CLCN1: variants seen among roughly 807,000 people sequenced by gnomAD.
CLCN1 encodes the protein chloride channel protein 1.
In CLCN1, 100 loss-of-function variants were observed where a neutral mutation model predicts 114.5. That is an observed-to-expected ratio of 0.87 (90% CI 0.74 to 1.03). The LOEUF (loss-of-function observed/expected upper bound fraction) is 1.03, where lower values mean the gene tolerates loss of function less well. Ranked by LOEUF, CLCN1 falls within the 50% of genes least tolerant of loss-of-function variation. The probability of loss-of-function intolerance (pLI) is 0.00; values close to 1 mark genes in which losing one functional copy is unlikely to be tolerated. For synonymous variants in CLCN1, 485 were observed against 487.1 expected (o/e 1.00, Z 0.06); for missense variants, 1,188 against 1,250.0 (o/e 0.95, Z 0.75).
chr7:143,323,397 G>A lies in CLCN1; in HGVS notation c.774+11G>A, dbSNP rs1169087902. ...TGCGGGGTATATGAGGTAAGGTTGA[G>A]ACAGTGAAATGAGCTGGGGCCAGGT... On this transcript the variant is annotated intron_variant, in intron 6 of 22. Coordinates refer to ENST00000343257, the MANE Select transcript of CLCN1 (RefSeq NM_000083.3). 6.2e-7 allele frequency: 1 copy of A among 1,601,042 alleles called. No homozygotes were observed. Among genetic ancestry groups the A allele is most frequent in the East Asian group, 2.2e-5 (1 of 44,804 alleles).
At chr7:143,351,474 T>C in intron 22 of CLCN1, 120 bp from the exon 23 acceptor site, 1 of 1,116,256 alleles carries the variant, frequency 9.0e-7, no homozygotes, top group South Asian at 1.4e-5. Context: ...TTTGCCACTC[T>C]ATATCTTTCC....
At chr7:143,340,250 G>C (rs1000009879) in intron 14 of CLCN1, among the ~76,000 whole-genome samples, 2 of 152,134 alleles carry the variant, frequency 1.3e-5, no homozygotes, top group Non-Finnish European at 2.9e-5. Flanking sequence ...CAGCTTTCTA[G>C]CTCACTTGGT....
chr7:143,338,795 A>C (rs1802993090), intron 12 of CLCN1, among the ~76,000 whole-genome samples: 3 of 106,730 alleles, frequency 2.8e-5, no homozygotes, highest in Non-Finnish European at 6.7e-5. Flanking sequence ...CCCTGTCTCA[A>C]AAAAAAAAAA....
Position 143,350,576 on chromosome 7 carries a change from CCT to C in CLCN1, c.2518_2519del (p.Leu840ValfsTer31), listed in dbSNP as rs780534566. On this transcript the variant is annotated frameshift_variant, in exon 22 of 23. Transcript: ENST00000343257. LOFTEE classifies it high-confidence loss of function. The surrounding 1 kb of genome is among the most constrained non-coding windows in gnomAD (Gnocchi z 5.1). ...GTGCTCTTCATCCTCAGACTCATAC[CCT>C]GTTTTCACTCCTTGGCCTCCACCTC... Reference protein sequence around the residue: ...EQTTLHKTHTLFSLLGLHLAY... With the variant: ...EQTTLHKTHTXFSLLGLHLAY... 3.7e-6 allele frequency: 6 copies of C among 1,614,080 alleles called. No homozygotes were observed. Among genetic ancestry groups the C allele is most frequent in the Middle Eastern group, 1.6e-4 (1 of 6,062 alleles).
chr7:143,320,037 G>A (rs2116835041), intron 2 of CLCN1, among the ~76,000 whole-genome samples, 162 bp downstream of exon 2: 1 of 152,326 alleles, frequency 6.6e-6, no homozygotes, highest in African/African-American at 2.4e-5. Context: ...CATTCAGACT[G>A]AAGTGCAGTG....
chr7:143,317,147 A>C (rs545180767), intron 1 of CLCN1, among the ~76,000 whole-genome samples: 28 of 152,168 alleles, frequency 1.8e-4, no homozygotes, highest in Non-Finnish European at 3.1e-4. Flanking sequence ...GTCATGGAAA[A>C]AGATAGGTCA....
intron 12 of CLCN1, among the ~76,000 whole-genome samples, chr7:143,333,524 C>T (rs1029856490): frequency 6.6e-6 from 1 of 152,120 alleles, no homozygotes; most frequent in African/African-American, 2.4e-5. Flanking sequence ...ATTAATTAAC[C>T]AAATTCCCCC....
At chr7:143,346,524 C>G (rs1418217252) in intron 18 of CLCN1, 55 bp from the exon 19 acceptor site, 34 of 1,409,772 alleles carry the variant, frequency 2.4e-5, no homozygotes, top group Non-Finnish European at 3.1e-5. Context: ...GGTGGGGCCC[C>G]TGGCCGTTTC....
chr7:143,342,763 G>C (rs1217905068), intron 16 of CLCN1, among the ~76,000 whole-genome samples: 2 of 152,152 alleles, frequency 1.3e-5, no homozygotes, highest in African/African-American at 4.8e-5. Context: ...GAGGTCAGGA[G>C]TTCGAGACCA....
chr7:143,345,894 T>C, intron 17 of CLCN1, 132 bp downstream of exon 17: 1 of 1,264,630 alleles, frequency 7.9e-7, no homozygotes, highest in Non-Finnish European at 1.1e-6. Flanking sequence ...GAGGGGAGAG[T>C]CTGGTAACTG....
At chr7:143,351,377 T>C (rs979452030) in intron 22 of CLCN1, among the ~76,000 whole-genome samples, 1 of 152,168 alleles carries the variant, frequency 6.6e-6, no homozygotes, top group Non-Finnish European at 1.5e-5. Flanking sequence ...TCTGGGCAGG[T>C]GGATCTTTTG....
rs376471528 is a variant in CLCN1 at position 143,325,038 on chromosome 7, G to C, written c.853+546G>C. On this transcript the variant is annotated intron_variant, in intron 7 of 22. Transcript: ENST00000343257. ...AAATGTCCCTTGATAGCAATTTAAA[G>C]TTAAGTTTAGCTCTTTCTCCAAGTA... 6.6e-5 allele frequency among the ~76,000 whole-genome samples: 10 copies of C among 152,358 alleles called. No individual in the cohort carries two copies. In the East Asian group the frequency reaches 1.7e-3, roughly 26 times the overall value.
intron 7 of CLCN1, among the ~76,000 whole-genome samples, chr7:143,326,733 C>A (rs1802584539): frequency 6.6e-6 from 1 of 151,938 alleles, no homozygotes; most frequent in Non-Finnish European, 1.5e-5. Context: ...CTGAGTATTA[C>A]CAGGGGATAC....
At chr7:143,320,936 C>G (rs2116836788) in intron 3 of CLCN1, 141 bp downstream of exon 3, 1 of 1,037,342 alleles carries the variant, frequency 9.6e-7, no homozygotes, top group East Asian at 2.4e-5. Context: ...AGGTGGGACT[C>G]CAGGCCCAGA....
chr7:143,340,813 A>G (rs1466567613), intron 14 of CLCN1, among the ~76,000 whole-genome samples: 3 of 152,236 alleles, frequency 2.0e-5, no homozygotes, highest in African/African-American at 7.2e-5. Flanking sequence ...GATTACAGGC[A>G]TAAGCCACCA....
At chr7:143,318,117 G>A (rs531334914) in intron 1 of CLCN1, among the ~76,000 whole-genome samples, 8 of 152,252 alleles carry the variant, frequency 5.3e-5, no homozygotes, top group Middle Eastern at 3.4e-3. Flanking sequence ...GAAGCCCCAA[G>A]TACCCACCAG....
Position 143,324,798 on chromosome 7 carries a change from G to A in CLCN1, c.853+306G>A, listed in dbSNP as rs565957273. Among the ~76,000 whole-genome samples, 12 of 152,280 alleles carry A rather than the reference G, an allele frequency of 7.9e-5. No homozygotes were observed. The highest frequency in any genetic ancestry group is 5.2e-4 in the Admixed American group (8 of 15,286). ...AGGAATTAAAACCAAGGCAGTCTCC[G>A]TGGCTCCCCTACTTATTTTCAAACC... On this transcript the variant is annotated intron_variant, in intron 7 of 22. Coordinates refer to ENST00000343257, the MANE Select transcript of CLCN1 (RefSeq NM_000083.3). The surrounding 1 kb of genome is among the most constrained non-coding windows in gnomAD (Gnocchi z 4.6).
Position 143,342,018 on chromosome 7 carries a change from C to A in CLCN1, c.1672C>A (p.Pro558Thr). ...AACGGGTCAGATTGCTCACATCCTG[C>A]CCATGATGGTGGCTGTTATCTTGGC... is the stretch of plus-strand genomic sequence containing the variant. ...ELTGQIAHIL[P>T]MMVAVILANM... Residue 558 changes from proline to threonine, a missense_variant, in exon 15 of 23, where the codon CCC (proline) becomes ACC (threonine). Transcript: ENST00000343257. 1 of 1,614,140 alleles carries A rather than the reference C, an allele frequency of 6.2e-7. No homozygotes were observed. Among genetic ancestry groups the A allele is most frequent in the African/African-American group, 1.3e-5 (1 of 75,048 alleles).
chr7:143,320,236 A>G (rs531249527), intron 2 of CLCN1, among the ~76,000 whole-genome samples: 1 of 152,222 alleles, frequency 6.6e-6, no homozygotes, highest in African/African-American at 2.4e-5. Context: ...TAGCCTCCCA[A>G]ATTCCTGGGA....
Sources: gnomAD v4.1 joint callset for allele counts (sites outside exome capture counted in the v4.1 genomes callset) on GRCh38, gnomAD v4.1.1 for gene constraint, Gnocchi (gnomAD v3.1) non-coding constraint, MANE v1.5 for transcripts, NCBI Gene and HGNC (gene_info 2026-07-23, HGNC 2026-07-21) for gene names.